The following FYB2 variants were observed in gnomAD, a reference collection of about 807,000 sequenced individuals.
The protein encoded by FYB2 is FYN-binding protein 2.
FYB2 carries 103 observed loss-of-function variants against 94.1 expected under a neutral mutation model. The observed-to-expected ratio is 1.09, with a 90% CI of 0.93 to 1.29. FYB2 has a LOEUF of 1.29. Ranked by LOEUF, FYB2 falls within the 50% of genes most tolerant of loss-of-function variation. The pLI is 0.00. For synonymous variants in FYB2, 293 were observed against 287.9 expected (o/e 1.02, Z -0.18); for missense variants, 896 against 841.5 (o/e 1.06, Z -0.80).
chr1:56,779,520 G>A (rs1325924213), intron 4 of FYB2, among the ~76,000 whole-genome samples: 1 of 152,128 alleles, frequency 6.6e-6, no homozygotes, highest in African/African-American at 2.4e-5. Context: ...GTCCTAATTA[G>A]TTAGCTTTAA....
chr1:56,798,921 G>C (rs748584235), intron 1 of FYB2, among the ~76,000 whole-genome samples: 23 of 152,148 alleles, frequency 1.5e-4, no homozygotes, highest in Non-Finnish European at 2.5e-4. Context: ...GGTGGGTCTA[G>C]AAACTTCTTT....
rs772255374 is a variant in FYB2 at position 56,737,171 on chromosome 1, T to C, written c.1733-24A>G. On this transcript the variant is annotated intron_variant, in intron 14 of 19. Coordinates refer to ENST00000343433, the MANE Select transcript of FYB2 (RefSeq NM_001004303.5). ...TTCTAGGGTCAAGACAGAATCAAAA[T>C]AGTCCATTATTAAGCATGGTTTATA... 2.6e-6 allele frequency: 4 copies of C among 1,541,770 alleles called. No individual in the cohort carries two copies. The East Asian group carries it at 6.9e-5, about 26-fold the overall frequency.
At chr1:56,726,437 C>T in intron 16 of FYB2, 60 bp downstream of exon 16, 1 of 1,467,602 alleles carries the variant, frequency 6.8e-7, no homozygotes, top group Non-Finnish European at 9.4e-7. Context: ...GGCCACACAG[C>T]TAGTAAGAGG....
chr1:56,817,449 A>G (rs1225951560), intron 1 of FYB2, among the ~76,000 whole-genome samples: 2 of 152,078 alleles, frequency 1.3e-5, no homozygotes, highest in Non-Finnish European at 2.9e-5. Flanking sequence ...GACCATCCTT[A>G]TACCCTTCCC....
chr1:56,725,924 A>T (rs1439039563), intron 16 of FYB2, among the ~76,000 whole-genome samples: 2 of 152,016 alleles, frequency 1.3e-5, no homozygotes, highest in African/African-American at 4.8e-5. Flanking sequence ...AATTGAGAAG[A>T]TGGGATCAGA....
intron 1 of FYB2, among the ~76,000 whole-genome samples, chr1:56,794,025 G>A (rs1411427537): frequency 6.6e-6 from 1 of 152,182 alleles, no homozygotes; most frequent in Admixed American, 6.5e-5. Context: ...TAAGTGAAAT[G>A]TCCATTACAG....
intron 1 of FYB2, among the ~76,000 whole-genome samples, chr1:56,813,488 C>T (rs1288921470): frequency 6.6e-6 from 1 of 152,198 alleles, no homozygotes; most frequent in South Asian, 2.1e-4. Context: ...TACCTCCTGC[C>T]AGGTCCCTCC....
chr1:56,790,658 T>A (rs1473215946), intron 2 of FYB2, among the ~76,000 whole-genome samples: 1 of 152,198 alleles, frequency 6.6e-6, no homozygotes, highest in Non-Finnish European at 1.5e-5. Context: ...AACAAGAACA[T>A]GTATATTCCT....
intron 9 of FYB2, among the ~76,000 whole-genome samples, chr1:56,749,849 G>C (rs756686091): frequency 3.3e-5 from 5 of 151,996 alleles, no homozygotes; most frequent in Non-Finnish European, 5.9e-5. Context: ...GCACCTCCCA[G>C]GTTTCCTGGT....
At position 56,819,276 on chromosome 1, in the gene FYB2, C is replaced by G. The variant is rs372333474; in HGVS notation, c.9+6G>C. The G allele has an allele frequency of 2.5e-4, 402 of 1,614,218 alleles. No individual in the cohort carries two copies. The East Asian group carries it at 3.4e-3, about 14-fold the overall frequency. On this transcript the variant is annotated splice_donor_region_variant and intron_variant, in intron 1 of 19. Coordinates refer to ENST00000343433, the MANE Select transcript of FYB2 (RefSeq NM_001004303.5). ...AAAGCCAGCAACAAAACTGAGACAG[C>G]CTTACCCCTTCCATTGCTTTCCTCC...
chr1:56,720,511 A>ATAAT lies in FYB2; in HGVS notation c.1975-186_1975-183dup, dbSNP rs545816046. 483 of 447,806 alleles carry ATAAT rather than the reference A, an allele frequency of 1.1e-3. 1 individual carries two copies. Among genetic ancestry groups the ATAAT allele is most frequent in the African/African-American group, 9.1e-3 (445 of 48,958 alleles). 27.7% of individuals were successfully genotyped at this position (447,806 alleles called of 1,614,324 possible). A position where few individuals can be genotyped will look rare whatever the true frequency, so the allele number is the denominator to read the frequency against. Reference sequence around the variant, plus strand: ...AGTTAAAGGAAAGTCGTTTAAGAAAATAATAGTAAAATGGTGCAATCTCAC... The same window carrying ATAAT: ...AGTTAAAGGAAAGTCGTTTAAGAAAATAATTAATAGTAAAATGGTGCAATCTCAC... On this transcript the variant is annotated intron_variant, in intron 17 of 19. Coordinates refer to ENST00000343433, the MANE Select transcript of FYB2 (RefSeq NM_001004303.5).
chr1:56,753,806 G>A (rs753798321), intron 8 of FYB2, 33 bp downstream of exon 8: 1 of 1,477,236 alleles, frequency 6.8e-7, no homozygotes, highest in Admixed American at 1.7e-5. Context: ...TCTGTTATAT[G>A]TCTAAACTGC....
intron 5 of FYB2, chr1:56,761,892 G>GT: frequency 6.6e-6 from 1 of 152,102 alleles, no homozygotes; most frequent in East Asian, 1.9e-4. Flanking sequence ...TTCATTTTAA[G>GT]TTAACTTTTG....
chr1:56,797,465 G>A (rs1167239760), intron 1 of FYB2, among the ~76,000 whole-genome samples: 1 of 152,004 alleles, frequency 6.6e-6, no homozygotes, highest in African/African-American at 2.4e-5. Context: ...ACCCTTTCTT[G>A]TGAGCCTTCC....
intron 15 of FYB2, among the ~76,000 whole-genome samples, chr1:56,727,327 T>C (rs1644604490): frequency 6.6e-6 from 1 of 152,158 alleles, no homozygotes; most frequent in Non-Finnish European, 1.5e-5. Context: ...ATAATTTGCA[T>C]TTTTTCCCCT....
At chr1:56,723,912 AAAC>A (rs1398814537) in intron 16 of FYB2, among the ~76,000 whole-genome samples, 4 of 152,048 alleles carry the variant, frequency 2.6e-5, no homozygotes, top group African/African-American at 9.7e-5. Context: ...GCAAATTGTC[AAAC>A]AACTGATCAG....
upstream of FYB2, among the ~76,000 whole-genome samples, chr1:56,823,416 A>G (rs1360896434): frequency 1.3e-5 from 2 of 152,232 alleles, no homozygotes; most frequent in Admixed American, 1.3e-4. Flanking sequence ...GACAATTCGT[A>G]TAAGGTATAC....
chr1:56,770,283 A>C (rs1030134710), intron 4 of FYB2, among the ~76,000 whole-genome samples: 1 of 152,152 alleles, frequency 6.6e-6, no homozygotes, highest in Non-Finnish European at 1.5e-5. Context: ...TATCAGTAGT[A>C]CACACCTCCA....
intron 4 of FYB2, among the ~76,000 whole-genome samples, chr1:56,778,983 T>C (rs976002649): frequency 2.0e-5 from 3 of 152,036 alleles, no homozygotes; most frequent in African/African-American, 7.2e-5. Flanking sequence ...CAGGTGACGA[T>C]CTGGGAGAAG....
Sources: allele counts gnomAD v4.1 joint callset (sites outside exome capture counted in the v4.1 genomes callset), GRCh38; gene constraint gnomAD v4.1.1; transcripts MANE v1.5; gene names NCBI Gene and HGNC (gene_info 2026-07-23, HGNC 2026-07-21).